RPS6KC1: variants seen among roughly 807,000 people sequenced by gnomAD.
RPS6KC1 encodes ribosomal protein S6 kinase C1.
A neutral mutation model predicts 103.8 loss-of-function variants in RPS6KC1; 54 were observed. The ratio of observed to expected loss-of-function variants is 0.52; its 90% CI spans 0.42 to 0.65. RPS6KC1 has a LOEUF of 0.65. Among genes scored for constraint, RPS6KC1 ranks in the 30% least tolerant of loss-of-function variants. RPS6KC1 has a pLI of 0.00. For synonymous variants in RPS6KC1, 439 were observed against 438.7 expected, an observed-to-expected ratio of 1.00 and a Z score of -0.01; for missense variants, 1,151 against 1,253.8, an observed-to-expected ratio of 0.92 and a Z score of 1.24.
the RPS6KC1 span, among the ~76,000 whole-genome samples, chr1:213,475,536 A>G: frequency 6.6e-6 from 1 of 152,150 alleles, no homozygotes; most frequent in East Asian, 1.9e-4. Context: ...TGAAATTTCA[A>G]TGGGTAAAAG....
the RPS6KC1 span, among the ~76,000 whole-genome samples, chr1:213,482,605 G>A: frequency 2.4e-5 from 3 of 124,830 alleles, no homozygotes; most frequent in East Asian, 2.5e-4. Context: ...CTGGAGTGCA[G>A]TGGCGTGATC....
rs1314034398 is a variant in RPS6KC1 at position 213,161,757 on chromosome 1, T to G, written c.836-6101T>G. Among the ~76,000 whole-genome samples, 7 of 152,346 alleles carry G rather than the reference T, an allele frequency of 4.6e-5. No homozygotes were observed. The East Asian group carries it at 1.3e-3, about 29-fold the overall frequency. The stretch of plus-strand genomic sequence containing the variant: ...ATTTAATTTTTATGGTAGAGATGCA[T>G]TAAAGGAGTCTGAAACTTCATGGGT... On this transcript the variant is annotated intron_variant, in intron 6 of 14. Transcript: ENST00000366960.
At chr1:213,137,499 A>G (rs1243270432) in intron 6 of RPS6KC1, among the ~76,000 whole-genome samples, 5 of 150,974 alleles carry the variant, frequency 3.3e-5, no homozygotes, top group African/African-American at 7.3e-5. Flanking sequence ...ACGCCTGGCT[A>G]ATTTTGTATT....
At chr1:213,217,829 A>G (rs1225878668) in intron 8 of RPS6KC1, among the ~76,000 whole-genome samples, 15 of 152,208 alleles carry the variant, frequency 9.9e-5, no homozygotes, top group South Asian at 2.1e-4. Flanking sequence ...ACAACCCTTC[A>G]TGCTAAAAAC....
In RPS6KC1 at chr1:213,262,770, A is replaced by C. The variant is rs2094827909; in HGVS notation, c.3044A>C (p.Asn1015Thr). 1 of 1,613,398 alleles carries C rather than the reference A, an allele frequency of 6.2e-7. No individual in the cohort carries two copies. The highest frequency in any genetic ancestry group is 8.5e-7 in the Non-Finnish European group (1 of 1,179,436). Residue 1015 changes from asparagine (N) to threonine (T), a missense_variant, in exon 14 of 15, where the codon AAC becomes ACC. This residue lies in a region of RPS6KC1 where 189 missense variants were observed against 228.8 expected (regional missense o/e 0.83). Transcript: ENST00000366960. ...PAGINTHTTLNMPECVSEEAR... is the reference protein window; with the variant it reads ...PAGINTHTTLTMPECVSEEAR... ...GGAATAAATACTCACACTACTTTGA[A>C]CATGCCAGAATGTGTCTCTGAAGAG... is the stretch of plus-strand genomic sequence containing the variant.
At chr1:213,290,407 A>T in the RPS6KC1 span, among the ~76,000 whole-genome samples, 1 of 152,170 alleles carries the variant, frequency 6.6e-6, no homozygotes, top group Non-Finnish European at 1.5e-5. Context: ...GGTGAGGGCC[A>T]GCAGTGAACA....
the RPS6KC1 span, among the ~76,000 whole-genome samples, chr1:213,677,129 C>G: frequency 6.6e-6 from 1 of 152,348 alleles, no homozygotes; most frequent in East Asian, 1.9e-4. Flanking sequence ...GCCCCTTATC[C>G]TTTCCAATTA....
At chr1:213,723,869 A>G in the RPS6KC1 span, among the ~76,000 whole-genome samples, 3 of 152,106 alleles carry the variant, frequency 2.0e-5, no homozygotes, top group African/African-American at 7.2e-5. Context: ...TGGAATGAAT[A>G]AGAAAACATA....
chr1:213,203,873 A>G (rs1257629281), intron 8 of RPS6KC1, among the ~76,000 whole-genome samples: 1 of 152,206 alleles, frequency 6.6e-6, no homozygotes, highest in Non-Finnish European at 1.5e-5. Flanking sequence ...GGTAGCTTTT[A>G]CCTGTTAATT....
At chr1:213,292,438 A>G in the RPS6KC1 span, among the ~76,000 whole-genome samples, 1 of 152,156 alleles carries the variant, frequency 6.6e-6, no homozygotes, top group South Asian at 2.1e-4. Context: ...TTTGGTTACA[A>G]AAAGGTCATC....
chr1:213,569,317 C>G, the RPS6KC1 span, among the ~76,000 whole-genome samples: 1 of 152,290 alleles, frequency 6.6e-6, no homozygotes, highest in East Asian at 1.9e-4. Context: ...TATTGCCTGT[C>G]TGTTGCATTG....
rs543121499 is a variant in RPS6KC1, at chr1:213,075,636, G to A, written c.142-2060G>A. On this transcript the variant is annotated intron_variant, in intron 2 of 14. Coordinates refer to ENST00000366960, the MANE Select transcript of RPS6KC1 (RefSeq NM_012424.6). ...TCAGAACTGCTGCTGCTTCCTTAGT[G>A]TTCACTTCAGGGCATGGCACCACCA... Among the ~76,000 whole-genome samples the A allele has an allele frequency of 7.2e-5, 11 of 152,286 alleles. No individual in the cohort carries two copies. The South Asian group carries it at 2.1e-3, about 29-fold the overall frequency.
At chr1:213,470,264 C>T in the RPS6KC1 span, among the ~76,000 whole-genome samples, 547 of 152,136 alleles carry the variant, frequency 3.6e-3, 2 homozygotes, top group Non-Finnish European at 5.3e-3. Context: ...TTTGTGTTTT[C>T]CTTGCAATTT....
intron 5 of RPS6KC1, chr1:213,125,636 G>C (rs1022805260): frequency 1.3e-5 from 2 of 151,428 alleles, no homozygotes; most frequent in Non-Finnish European, 3.0e-5. Context: ...TTGTGTGTGT[G>C]TGTGTGTGTG....
chr1:213,137,478 C>A (rs905253111), intron 6 of RPS6KC1, among the ~76,000 whole-genome samples: 4 of 151,912 alleles, frequency 2.6e-5, no homozygotes, highest in African/African-American at 7.2e-5. Flanking sequence ...AGATTACAGG[C>A]ATGTGCCACC....
At chr1:213,333,342 G>A in the RPS6KC1 span, among the ~76,000 whole-genome samples, 1 of 152,184 alleles carries the variant, frequency 6.6e-6, no homozygotes, top group African/African-American at 2.4e-5. Flanking sequence ...TGGAATGCGT[G>A]TCATGAGTTA....
At chr1:213,558,938 G>A in the RPS6KC1 span, among the ~76,000 whole-genome samples, 1 of 152,188 alleles carries the variant, frequency 6.6e-6, no homozygotes, top group East Asian at 1.9e-4. Context: ...TAAACATATT[G>A]TAGTTCAAGA....
Position 213,123,547 on chromosome 1 carries a change from A to G in RPS6KC1, c.473-5980A>G, listed in dbSNP as rs7525097. Among the ~76,000 whole-genome samples the G allele has an allele frequency of 2.0e-3, 303 of 152,294 alleles. 1 individual carries two copies. Among genetic ancestry groups the G allele is most frequent in the African/African-American group, 7.0e-3 (292 of 41,574 alleles). ...AAGGTTCTTTTTTGTAACAATAGCT[A>G]TTACTAAATGATGAATAGGGAATCA... On this transcript the variant is annotated intron_variant, in intron 5 of 14. Coordinates refer to ENST00000366960, the MANE Select transcript of RPS6KC1 (RefSeq NM_012424.6).
At chr1:213,834,987 G>T in the RPS6KC1 span, among the ~76,000 whole-genome samples, 2 of 152,156 alleles carry the variant, frequency 1.3e-5, no homozygotes, top group African/African-American at 4.8e-5. Context: ...ACGAGCAAAT[G>T]AAAAAACACC....
Sources: allele counts gnomAD v4.1 joint callset (sites outside exome capture counted in the v4.1 genomes callset), GRCh38; gene constraint gnomAD v4.1.1; regional missense constraint gnomAD v4.1.1; transcripts MANE v1.5; gene names NCBI Gene and HGNC (gene_info 2026-07-23, HGNC 2026-07-21).